Variants in CUX1 observed in about 807,000 individuals in gnomAD.
The protein encoded by CUX1 is protein CASP.
In CUX1, 31 loss-of-function variants were observed where a neutral mutation model predicts 158.8. The ratio of observed to expected loss-of-function variants is 0.20; its 90% CI spans 0.15 to 0.26. The LOEUF (loss-of-function observed/expected upper bound fraction) is 0.26. CUX1 is among the 10% of genes least tolerant of loss of function. CUX1 has a pLI of 1.00. For synonymous variants in CUX1, 879 were observed against 862.1 expected, an observed-to-expected ratio of 1.02 and a Z score of -0.34; for missense variants, 1,589 against 2,014.6, an observed-to-expected ratio of 0.79 and a Z score of 4.04.
chr7:102,188,033 A>G lies in CUX1; in HGVS notation c.1018-1780A>G, dbSNP rs146309938. On this transcript the variant is annotated intron_variant, in intron 11 of 23. Coordinates refer to ENST00000292535, the MANE Select transcript of CUX1 (RefSeq NM_181552.4). ...AGACCAGCCTGGGCAACATAGCAAG[A>G]CCCCCTCTCTTAAAAAATAACCGGG... is the stretch of plus-strand genomic sequence containing the variant. Among the ~76,000 whole-genome samples, 103 of 151,352 alleles carry G rather than the reference A, an allele frequency of 6.8e-4. 1 individual carries two copies. Among genetic ancestry groups the G allele is most frequent in the African/African-American group, 2.5e-3 (102 of 41,248 alleles).
chr7:102,207,032 G>A (rs375158116), intron 20 of CUX1, among the ~76,000 whole-genome samples: 8 of 152,276 alleles, frequency 5.3e-5, no homozygotes, highest in African/African-American at 1.7e-4. Context: ...ACTTTGTATT[G>A]TAACGGATCA....
intron 14 of CUX1, among the ~76,000 whole-genome samples, chr7:102,269,572 A>ATTTTTTTTT (rs71123030): frequency 6.8e-3 from 733 of 107,732 alleles, no homozygotes; most frequent in Non-Finnish European, 8.5e-3. Flanking sequence ...TGCCCGGCTA[A>ATTTTTTTTT]TTTTTTTTTT....
At chr7:101,997,278 C>T (rs1210310461) in intron 2 of CUX1, among the ~76,000 whole-genome samples, 2 of 152,228 alleles carry the variant, frequency 1.3e-5, no homozygotes, top group African/African-American at 4.8e-5. Flanking sequence ...TGCACGGAGC[C>T]TGCTCCACGT....
intron 8 of CUX1, among the ~76,000 whole-genome samples, chr7:102,123,273 A>T (rs782576229): frequency 2.6e-5 from 4 of 151,698 alleles, no homozygotes; most frequent in Non-Finnish European, 4.4e-5. Flanking sequence ...GTGGCCATGT[A>T]TATAAACATG....
chr7:101,818,328 G>A (rs1327429558), intron 1 of CUX1, among the ~76,000 whole-genome samples: 1 of 151,862 alleles, frequency 6.6e-6, no homozygotes, highest in African/African-American at 2.4e-5. Flanking sequence ...CCGTTGTGGA[G>A]TTTTAAGGAC....
chr7:102,028,934 A>G lies in CUX1; in HGVS notation c.189+789A>G, dbSNP rs530304833. 8.3e-4 allele frequency among the ~76,000 whole-genome samples: 127 copies of G among 152,130 alleles called. 1 individual carries two copies. Among genetic ancestry groups the G allele is most frequent in the African/African-American group, 3.0e-3 (124 of 41,494 alleles). On this transcript the variant is annotated intron_variant, in intron 3 of 23. Transcript: ENST00000292535. The stretch of plus-strand genomic sequence containing the variant: ...ATCATAGCAGGCTGATAAGGAAAGG[A>G]AACGAGACATTTCCAAAGCCCCTGA...
At chr7:102,243,844 A>AT (rs1800514633) in intron 23 of CUX1, among the ~76,000 whole-genome samples, 2 of 151,846 alleles carry the variant, frequency 1.3e-5, no homozygotes, top group African/African-American at 4.8e-5. Context: ...CCTGGCCAAC[A>AT]TGGTGAAACC....
intron 9 of CUX1, among the ~76,000 whole-genome samples, chr7:102,159,440 T>C (rs528902972): frequency 1.3e-5 from 2 of 152,352 alleles, no homozygotes; most frequent in Admixed American, 1.3e-4. Flanking sequence ...TAGCGTACTT[T>C]TGGGTGATTC....
chr7:102,125,777 A>G (rs1289715307), intron 8 of CUX1: 1 of 151,854 alleles, frequency 6.6e-6, no homozygotes, highest in Admixed American at 6.6e-5. Flanking sequence ...TTTTTTAAAA[A>G]ATTTTGTCAT....
chr7:102,150,759 A>G (rs1554503366), intron 8 of CUX1, among the ~76,000 whole-genome samples: 1 of 152,224 alleles, frequency 6.6e-6, no homozygotes, highest in Non-Finnish European at 1.5e-5. Context: ...GTGTTAGCCC[A>G]GAGAATACCC....
At chr7:102,188,281 A>G (rs772545492) in intron 11 of CUX1, among the ~76,000 whole-genome samples, 30 of 152,058 alleles carry the variant, frequency 2.0e-4, no homozygotes, top group Non-Finnish European at 3.5e-4. Flanking sequence ...GGAAATGACA[A>G]TTGTTCACCT....
chr7:102,061,715 G>A (rs1019299348), intron 3 of CUX1, among the ~76,000 whole-genome samples: 2 of 152,208 alleles, frequency 1.3e-5, no homozygotes, highest in Admixed American at 6.5e-5. Context: ...GCAGTGGAGA[G>A]ATGAGCCTTT....
At position 101,985,495 on chromosome 7, in the gene CUX1, C is replaced by T. The variant is rs541156862; in HGVS notation, c.142-42603C>T. ...TGCATGTGGCTGTTTGACACCATGC[C>T]GTGCTGCAAACTCCACATCTTCCTA... On this transcript the variant is annotated intron_variant, in intron 2 of 23. Transcript: ENST00000292535. Among the ~76,000 whole-genome samples the T allele has an allele frequency of 6.6e-5, 10 of 152,304 alleles. No individual in the cohort carries two copies. In the East Asian group the frequency reaches 1.5e-3, roughly 24 times the overall value.
chr7:102,069,727 G>A (rs551728654), intron 3 of CUX1, among the ~76,000 whole-genome samples: 3 of 152,256 alleles, frequency 2.0e-5, no homozygotes, highest in East Asian at 1.9e-4. Context: ...CAGTCTGGGC[G>A]ACAGAGCAAG....
intron 20 of CUX1, among the ~76,000 whole-genome samples, chr7:102,223,301 A>T (rs1798020483): frequency 6.6e-6 from 1 of 152,172 alleles, no homozygotes; most frequent in African/African-American, 2.4e-5. Flanking sequence ...AAAAAAGATA[A>T]ATGCATCATA....
intron 6 of CUX1, among the ~76,000 whole-genome samples, chr7:102,108,726 T>C (rs1284207259): frequency 7.9e-6 from 1 of 126,884 alleles, no homozygotes; most frequent in Admixed American, 7.5e-5. Flanking sequence ...TAGAATTTAC[T>C]TCATTCATTT....
At chr7:101,870,818 AG>A (rs1296208142) in intron 1 of CUX1, among the ~76,000 whole-genome samples, 5 of 152,244 alleles carry the variant, frequency 3.3e-5, no homozygotes, top group African/African-American at 1.2e-4. Context: ...CTGTGAGGAC[AG>A]TATAGAGTTT....
At chr7:101,867,024 C>T (rs1012081230) in intron 1 of CUX1, among the ~76,000 whole-genome samples, 1 of 152,208 alleles carries the variant, frequency 6.6e-6, no homozygotes, top group African/African-American at 2.4e-5. Flanking sequence ...AGTTCGAGAC[C>T]AGCCTGGCCA....
At chr7:101,882,976 A>C (rs1164322655) in intron 1 of CUX1, among the ~76,000 whole-genome samples, 1 of 151,182 alleles carries the variant, frequency 6.6e-6, no homozygotes. Context: ...AGAGAGCTGC[A>C]CCTCTGGGTG....
Sources: allele counts gnomAD v4.1 joint callset (sites outside exome capture counted in the v4.1 genomes callset), GRCh38; gene constraint gnomAD v4.1.1; transcripts MANE v1.5; gene names NCBI Gene and HGNC (gene_info 2026-07-23, HGNC 2026-07-21).